Variants in CACNA2D1 observed in about 807,000 individuals in gnomAD.
CACNA2D1 encodes the protein voltage-dependent calcium channel subunit alpha-2/delta-1.
CACNA2D1 carries 53 observed loss-of-function variants against 171.5 expected under a neutral mutation model. The observed-to-expected ratio is 0.31, with a 90% CI of 0.25 to 0.39. The LOEUF (loss-of-function observed/expected upper bound fraction) is 0.39, where lower values mean the gene tolerates loss of function less well. Ranked by LOEUF, CACNA2D1 falls within the 10% of genes least tolerant of loss-of-function variation. CACNA2D1 has a pLI of 1.00. For missense variants in CACNA2D1, 903 were observed against 1,299.8 expected (o/e 0.69, Z 4.69); for synonymous variants, 442 against 443.1 (o/e 1.00, Z 0.03).
At chr7:81,961,007 G>C (rs1017101523) in intron 36 of CACNA2D1, among the ~76,000 whole-genome samples, 6 of 151,840 alleles carry the variant, frequency 4.0e-5, no homozygotes, top group African/African-American at 1.5e-4. Context: ...AAAAATTCAT[G>C]ATAGGTTGCT....
At position 82,342,883 on chromosome 7, in the gene CACNA2D1, T is replaced by C. The variant is rs192618974; in HGVS notation, c.177+6685A>G. On this transcript the variant is annotated intron_variant, in intron 2 of 38. Transcript: ENST00000356860. ...ATCCTTCATATAAAAGGATGGTTTA[T>C]ATCTTATTCTCTAGTCTACCCAACA... 4.6e-5 allele frequency among the ~76,000 whole-genome samples: 7 copies of C among 152,278 alleles called. No homozygotes were observed. In the East Asian group the frequency reaches 1.4e-3, roughly 29 times the overall value.
intron 1 of CACNA2D1, among the ~76,000 whole-genome samples, chr7:82,363,235 T>C (rs1026997680): frequency 1.4e-5 from 2 of 147,562 alleles, no homozygotes; most frequent in Admixed American, 6.8e-5. Context: ...CTGACTACCA[T>C]AGTTTTATTT....
chr7:82,177,410 A>G (rs1796657694), intron 3 of CACNA2D1, among the ~76,000 whole-genome samples: 1 of 152,098 alleles, frequency 6.6e-6, no homozygotes, highest in Non-Finnish European at 1.5e-5. Flanking sequence ...GCTACATGCA[A>G]AGAGAAATTC....
intron 31 of CACNA2D1, 79 bp from the exon 32 acceptor site, chr7:81,965,744 G>A: frequency 2.4e-6 from 2 of 822,452 alleles, no homozygotes; most frequent in East Asian, 2.4e-5. Flanking sequence ...TTATATACAT[G>A]ATTAGAGCAA....
intron 1 of CACNA2D1, among the ~76,000 whole-genome samples, chr7:82,386,304 A>G (rs1394966977): frequency 6.6e-6 from 1 of 152,216 alleles, no homozygotes. Context: ...ACACTTTTAC[A>G]TAAAATACAA....
At chr7:82,344,706 C>A (rs1191409866) in intron 2 of CACNA2D1, among the ~76,000 whole-genome samples, 2 of 152,096 alleles carry the variant, frequency 1.3e-5, no homozygotes, top group Admixed American at 1.3e-4. Context: ...AAATAGATTT[C>A]TTTCTACTTA....
chr7:82,381,443 T>C (rs1450681505), intron 1 of CACNA2D1, among the ~76,000 whole-genome samples: 5 of 152,064 alleles, frequency 3.3e-5, no homozygotes, highest in Non-Finnish European at 7.3e-5. Context: ...AGAGCAACGA[T>C]ATTTATGAAA....
intron 1 of CACNA2D1, among the ~76,000 whole-genome samples, chr7:82,398,989 A>C (rs967364798): frequency 6.6e-6 from 1 of 151,274 alleles, no homozygotes; most frequent in African/African-American, 2.4e-5. Flanking sequence ...TTATAAGCTG[A>C]GGTGATTTTT....
At chr7:82,286,881 T>C (rs977520222) in intron 3 of CACNA2D1, among the ~76,000 whole-genome samples, 5 of 152,164 alleles carry the variant, frequency 3.3e-5, no homozygotes, top group African/African-American at 1.2e-4. Context: ...ATAGACTCCA[T>C]GGGCTGCTTG....
At chr7:82,055,815 A>G (rs1044090559) in intron 10 of CACNA2D1, among the ~76,000 whole-genome samples, 6 of 145,932 alleles carry the variant, frequency 4.1e-5, no homozygotes, top group Admixed American at 1.4e-4. Context: ...CTAATGCTAA[A>G]TGACGAGTTA....
chr7:81,997,425 G>A (rs2130799658), intron 18 of CACNA2D1, among the ~76,000 whole-genome samples, 175 bp from the exon 19 acceptor site: 1 of 150,646 alleles, frequency 6.6e-6, no homozygotes, highest in African/African-American at 2.4e-5. Context: ...ATATATAAAA[G>A]CTAGAGATTG....
At chr7:81,956,857 C>CTAAATGAAGAA (rs1476501136) in intron 38 of CACNA2D1, among the ~76,000 whole-genome samples, 1 of 152,016 alleles carries the variant, frequency 6.6e-6, no homozygotes, top group African/African-American at 2.4e-5. Context: ...AAATGAAGAA[C>CTAAATGAAGAA]TAAATGCAAA....
chr7:82,359,069 T>C (rs982466269), intron 1 of CACNA2D1, among the ~76,000 whole-genome samples: 4 of 152,138 alleles, frequency 2.6e-5, no homozygotes, highest in Non-Finnish European at 5.9e-5. Flanking sequence ...ACATCACAAT[T>C]AGTTACAACC....
chr7:82,272,244 G>T (rs1808728553), intron 3 of CACNA2D1, among the ~76,000 whole-genome samples: 1 of 152,202 alleles, frequency 6.6e-6, no homozygotes, highest in East Asian at 1.9e-4. Context: ...ATATAAAATA[G>T]CCTTTATTGA....
intron 3 of CACNA2D1, among the ~76,000 whole-genome samples, chr7:82,172,919 G>C (rs73387993): frequency 6.6e-6 from 1 of 151,696 alleles, no homozygotes; most frequent in African/African-American, 2.4e-5. Context: ...AGAACTCTAA[G>C]ATGTCTTTGT....
chr7:82,032,807 T>G lies in CACNA2D1; in HGVS notation c.1133A>C (p.Lys378Thr), dbSNP rs772633177. The change falls in exon 12 of 39, where the codon AAA (lysine) becomes ACA (threonine). Residue 378 changes from lysine to threonine, a missense_variant. Physicochemically the swap from Lys to Thr is moderately conservative, Grantham distance 78. Coordinates refer to ENST00000356860, the MANE Select transcript of CACNA2D1 (RefSeq NM_000722.4). ...RAQEIFNKYNKDKKVRVFTFS... is the reference protein window; with the variant it reads ...RAQEIFNKYNTDKKVRVFTFS... ...TAAAATTACACTCACTTTTTTATCT[T>G]TATTGTATTTGTTAAATATCTCCTG... is the stretch of plus-strand genomic sequence containing the variant. 6.6e-7 allele frequency: 1 copy of G among 1,514,186 alleles called. No homozygotes were observed. The highest frequency in any genetic ancestry group is 9.1e-7 in the Non-Finnish European group (1 of 1,093,112). 93.8% of individuals were successfully genotyped at this position (1,514,186 alleles called of 1,614,324 possible). A position where few individuals can be genotyped will look rare whatever the true frequency, so the allele number is the denominator to read the frequency against.
chr7:82,099,517 T>C (rs1168574736), intron 6 of CACNA2D1, among the ~76,000 whole-genome samples: 1 of 50,290 alleles, frequency 2.0e-5, no homozygotes, highest in Non-Finnish European at 4.5e-5. Context: ...CGGCGGGATC[T>C]CGGCTCACTG....
intron 3 of CACNA2D1, among the ~76,000 whole-genome samples, chr7:82,192,460 T>G (rs10232512): frequency 1.8e-4 from 25 of 136,760 alleles, no homozygotes; most frequent in South Asian, 2.4e-4. Flanking sequence ...GTGTTTGTGT[T>G]TGTGTGTGTG....
intron 1 of CACNA2D1, among the ~76,000 whole-genome samples, chr7:82,398,447 T>G (rs1825974664): frequency 6.6e-6 from 1 of 152,204 alleles, no homozygotes; most frequent in African/African-American, 2.4e-5. Context: ...TGTATGTGTA[T>G]ACTCACACTA....
Sources: gnomAD v4.1 joint callset for allele counts (sites outside exome capture counted in the v4.1 genomes callset) on GRCh38, gnomAD v4.1.1 for gene constraint, MANE v1.5 for transcripts, NCBI Gene and HGNC (gene_info 2026-07-23, HGNC 2026-07-21) for gene names.